The following NEDD9 variants were observed in gnomAD, a reference collection of about 807,000 sequenced individuals.
The protein encoded by NEDD9 is enhancer of filamentation 1.
NEDD9 carries 26 observed loss-of-function variants against 76.6 expected under a neutral mutation model. The observed-to-expected ratio is 0.34, with a 90% CI of 0.25 to 0.47. NEDD9 has a LOEUF of 0.47. Among genes scored for constraint, NEDD9 ranks in the 20% least tolerant of loss-of-function variants. NEDD9 has a pLI of 1.00. For missense variants in NEDD9, 937 were observed against 1,058.5 expected (o/e 0.89, Z 1.59); for synonymous variants, 392 against 414.2 (o/e 0.95, Z 0.65).
At position 11,185,349 on chromosome 6, in the gene NEDD9, C is replaced by T. The variant is rs762829138; in HGVS notation, c.2318G>A (p.Arg773His). The T allele has an allele frequency of 8.7e-6, 14 of 1,614,142 alleles. No individual in the cohort carries two copies. The highest frequency in any genetic ancestry group is 2.2e-5 in the South Asian group (2 of 91,086). ...GTTGCTGGAGTTCATGACTTTGTTG[C>T]GAATGTCCTGGGCAGTCACCTGCCG... ...LTRQVTAQDI[R>H]NKVMNSSNQL... The change falls in exon 7 of 7, where the codon CGC becomes CAC. Residue 773 changes from arginine to histidine, a missense_variant. Arg to His is a conservative substitution (Grantham distance 29, BLOSUM62 0). Transcript: ENST00000379446.
At chr6:11,186,680 C>G (rs780163469) in intron 6 of NEDD9, among the ~76,000 whole-genome samples, 115 of 152,140 alleles carry the variant, frequency 7.6e-4, no homozygotes, top group Non-Finnish European at 9.0e-4. Context: ...TGCAGTGGCA[C>G]GATCTTGGCT....
At chr6:11,211,492 G>A (rs1446372593) in intron 2 of NEDD9, among the ~76,000 whole-genome samples, 2 of 152,200 alleles carry the variant, frequency 1.3e-5, no homozygotes, top group East Asian at 1.9e-4. Flanking sequence ...GCTCAGATGT[G>A]GGAGAGCTAT....
At chr6:11,342,120 C>A (rs1762285165) in intron 1 of NEDD9, among the ~76,000 whole-genome samples, 1 of 151,610 alleles carries the variant, frequency 6.6e-6, no homozygotes, top group Non-Finnish European at 1.5e-5. Flanking sequence ...GGAGACACAG[C>A]AGTAGAAAAT....
intron 3 of NEDD9, among the ~76,000 whole-genome samples, chr6:11,257,813 A>G (rs1341747616): frequency 3.3e-5 from 3 of 91,476 alleles, no homozygotes; most frequent in Non-Finnish European, 5.9e-5. Context: ...GTGTGTGTGC[A>G]GTACGGCATC....
chr6:11,330,033 C>T (rs1762003302), intron 2 of NEDD9, among the ~76,000 whole-genome samples: 1 of 152,216 alleles, frequency 6.6e-6, no homozygotes, highest in Non-Finnish European at 1.5e-5. Context: ...GAGCTACCAG[C>T]CACATGTGGT....
chr6:11,364,330 C>T (rs1353308650), intron 1 of NEDD9, among the ~76,000 whole-genome samples: 1 of 152,108 alleles, frequency 6.6e-6, no homozygotes, highest in African/African-American at 2.4e-5. Flanking sequence ...TGTTGCTTTC[C>T]CCTTTGCTGA....
chr6:11,288,868 A>G (rs908965522), intron 3 of NEDD9, among the ~76,000 whole-genome samples: 1 of 152,238 alleles, frequency 6.6e-6, no homozygotes. Context: ...ACACTCTTCT[A>G]TTTTACAGAC....
At chr6:11,187,189 A>G (rs1007896499) in intron 6 of NEDD9, among the ~76,000 whole-genome samples, 2 of 152,130 alleles carry the variant, frequency 1.3e-5, no homozygotes, top group Non-Finnish European at 2.9e-5. Context: ...AGGTTACCTG[A>G]CTTGACATAG....
At chr6:11,231,689 A>G (rs1463978891) in intron 1 of NEDD9, among the ~76,000 whole-genome samples, 1 of 152,172 alleles carries the variant, frequency 6.6e-6, no homozygotes, top group Non-Finnish European at 1.5e-5. Context: ...TTGCCTCCTT[A>G]GATGGGAGTG....
chr6:11,369,980 G>C (rs1217171981), intron 1 of NEDD9, among the ~76,000 whole-genome samples: 1 of 152,194 alleles, frequency 6.6e-6, no homozygotes, highest in Non-Finnish European at 1.5e-5. Context: ...GGGCCAAGTG[G>C]CTCTTCTGTG....
At chr6:11,201,686 A>G (rs764190784) in intron 2 of NEDD9, among the ~76,000 whole-genome samples, 2 of 144,832 alleles carry the variant, frequency 1.4e-5, no homozygotes, top group Middle Eastern at 3.4e-3. Flanking sequence ...TGTATGCATC[A>G]AAATTTTAAA....
At chr6:11,312,003 G>A (rs1761387146) in intron 2 of NEDD9, among the ~76,000 whole-genome samples, 1 of 152,126 alleles carries the variant, frequency 6.6e-6, no homozygotes, top group Admixed American at 6.5e-5. Context: ...CTGTCTGGGT[G>A]TTTCTCTTCA....
chr6:11,193,463 A>T (rs1758212187), intron 3 of NEDD9, 128 bp downstream of exon 3: 1 of 573,468 alleles, frequency 1.7e-6, no homozygotes, highest in Admixed American at 3.4e-5. Context: ...TACTGGGTAG[A>T]CAACCTAAAC....
upstream of NEDD9, among the ~76,000 whole-genome samples, chr6:11,233,106 C>T (rs1313142001): frequency 6.6e-6 from 1 of 152,074 alleles, no homozygotes; most frequent in East Asian, 1.9e-4. Context: ...GGTTTTCTGT[C>T]TCCGGGCCCC....
intron 2 of NEDD9, among the ~76,000 whole-genome samples, chr6:11,306,989 T>C (rs1582013545): frequency 6.6e-6 from 1 of 152,208 alleles, no homozygotes; most frequent in East Asian, 1.9e-4. Context: ...TTGGGGTATA[T>C]ATCCTTAGAA....
intron 1 of NEDD9, among the ~76,000 whole-genome samples, chr6:11,335,672 A>C (rs1461829735): frequency 6.6e-6 from 1 of 152,230 alleles, no homozygotes; most frequent in Non-Finnish European, 1.5e-5. Flanking sequence ...CCAAGTGTTC[A>C]TTGAATCCCA....
At chr6:11,350,970 T>C (rs568588725) in intron 1 of NEDD9, among the ~76,000 whole-genome samples, 2 of 152,318 alleles carry the variant, frequency 1.3e-5, no homozygotes, top group East Asian at 3.9e-4. Flanking sequence ...CATGGTAATG[T>C]GTACAACTTG....
chr6:11,209,496 TCG>T (rs1758709202), intron 2 of NEDD9, among the ~76,000 whole-genome samples: 1 of 152,134 alleles, frequency 6.6e-6, no homozygotes, highest in Non-Finnish European at 1.5e-5. Flanking sequence ...CTTCGGTGTG[TCG>T]TAAGAAACAC....
At chr6:11,329,936 A>C (rs11757904) in intron 2 of NEDD9, among the ~76,000 whole-genome samples, 11,818 of 152,220 alleles carry the variant, frequency 0.078, 544 homozygotes, top group Non-Finnish European at 0.11. Flanking sequence ...TGCATAAGCC[A>C]AGAAGGAAAT....
Sources: allele counts gnomAD v4.1 joint callset (sites outside exome capture counted in the v4.1 genomes callset), GRCh38; gene constraint gnomAD v4.1.1; transcripts MANE v1.5; gene names NCBI Gene and HGNC (gene_info 2026-07-23, HGNC 2026-07-21).